CYP27C1: variants seen among roughly 807,000 people sequenced by gnomAD.
CYP27C1 encodes cytochrome P450 family 27 subfamily C member 1.
A neutral mutation model predicts 40.6 loss-of-function variants in CYP27C1; 29 were observed. The ratio of observed to expected loss-of-function variants is 0.71; its 90% CI spans 0.53 to 0.97. The LOEUF (loss-of-function observed/expected upper bound fraction) is 0.97, where lower values mean the gene tolerates loss of function less well. Ranked by LOEUF, CYP27C1 falls within the 50% of genes least tolerant of loss-of-function variation. The pLI is 0.00. For synonymous variants in CYP27C1, 198 were observed against 186.8 expected, an observed-to-expected ratio of 1.06 and a Z score of -0.49; for missense variants, 390 against 485.8, an observed-to-expected ratio of 0.80 and a Z score of 1.85.
rs772002440 is a variant in CYP27C1 at position 127,199,442 on chromosome 2, G to A, written c.981C>T (p.Ser327=). 10 of 1,613,872 alleles carry A rather than the reference G, an allele frequency of 6.2e-6. No homozygotes were observed. In the South Asian group the frequency reaches 8.8e-5, roughly 14 times the overall value. The change falls in exon 5 of 9, where the codon AGC becomes AGT. Residue 327 remains serine (S), a synonymous_variant. Transcript: ENST00000664447. ...SGGLLTYLFL[S]QALTLQEIYA... ...AGATCTCCTGCAGCGTCAGAGCCTGGCTAAGGAAGAGGTATGTGAGAAGTC... is the reference window on the plus strand; with the variant it reads ...AGATCTCCTGCAGCGTCAGAGCCTGACTAAGGAAGAGGTATGTGAGAAGTC...
chr2:127,195,339 G>C lies in CYP27C1; in HGVS notation c.1210C>G (p.Leu404Val), dbSNP rs1310849126. ...GGATTCTGGCGAGCCTTTTACCTCA[G>C]GGTTTCCTTAAGGAGAGCTCTGACC... ...PLVRALLKET[L>V]RLFPVLPGNG... The change falls in exon 6 of 9, where the codon CTG (leucine) becomes GTG (valine). Residue 404 changes from leucine (L) to valine (V), a missense_variant. Leu to Val is a conservative substitution (Grantham distance 32, BLOSUM62 1). Coordinates refer to ENST00000664447, the MANE Select transcript of CYP27C1 (RefSeq NM_001367502.1). The surrounding 1 kb of genome is among the most constrained non-coding windows in gnomAD (Gnocchi z 6.2). 2 of 1,614,100 alleles carry C rather than the reference G, an allele frequency of 1.2e-6. No individual in the cohort carries two copies. Among genetic ancestry groups the C allele is most frequent in the Non-Finnish European group, 1.7e-6 (2 of 1,180,000 alleles).
rs1558931272 is a variant in CYP27C1, at chr2:127,204,535, A to AAGAAAG, written c.474-965_474-964insCTTTCT. 4.7e-4 allele frequency among the ~76,000 whole-genome samples: 22 copies of AAGAAAG among 46,942 alleles called. 1 individual carries two copies. Among genetic ancestry groups the AAGAAAG allele is most frequent in the African/African-American group, 1.4e-3 (19 of 13,686 alleles). The allele number at this position is 46,942 out of a possible 152,430, so 30.8% of individuals were successfully genotyped here. A position where few individuals can be genotyped will look rare whatever the true frequency, so the allele number is the denominator to read the frequency against. On this transcript the variant is annotated intron_variant, in intron 2 of 8. Coordinates refer to ENST00000664447, the MANE Select transcript of CYP27C1 (RefSeq NM_001367502.1). ...AAAGAAGGAAAGAAAGAAAGAAAGA[A>AAGAAAG]AGAGAGAGAGAGAGAGAGAGAGAAA...
intron 2 of CYP27C1, among the ~76,000 whole-genome samples, chr2:127,204,496 G>GAAA (rs1683147786): frequency 3.2e-5 from 2 of 62,158 alleles, no homozygotes; most frequent in East Asian, 7.9e-4. Context: ...AAGGAAGGAA[G>GAAA]GAAGGAAGGA....
At chr2:127,213,811 C>A (rs760222150) in intron 1 of CYP27C1, among the ~76,000 whole-genome samples, 14 of 152,094 alleles carry the variant, frequency 9.2e-5, no homozygotes, top group Non-Finnish European at 1.5e-4. Flanking sequence ...CCAAAATTGA[C>A]AACTAGAATC....
At chr2:127,212,207 A>G (rs1326036401) in intron 1 of CYP27C1, among the ~76,000 whole-genome samples, 1 of 152,252 alleles carries the variant, frequency 6.6e-6, no homozygotes, top group African/African-American at 2.4e-5. Context: ...GCCCAGGACT[A>G]GATGGATTCA....
intron 4 of CYP27C1, among the ~76,000 whole-genome samples, chr2:127,199,962 T>A (rs1682994552): frequency 6.6e-6 from 1 of 152,208 alleles, no homozygotes; most frequent in Non-Finnish European, 1.5e-5. Context: ...AGGACTTCTA[T>A]ATTCAAATAA....
intron 1 of CYP27C1, among the ~76,000 whole-genome samples, chr2:127,216,626 G>A (rs144254081): frequency 1.1e-3 from 161 of 152,232 alleles, no homozygotes; most frequent in Middle Eastern, 6.8e-3. Flanking sequence ...AGTTGACTGC[G>A]GTGATGGTTG....
chr2:127,210,937 G>A (rs1042648010), intron 1 of CYP27C1, among the ~76,000 whole-genome samples: 1 of 152,148 alleles, frequency 6.6e-6, no homozygotes, highest in African/African-American at 2.4e-5. Context: ...ACACCCCACT[G>A]TCAATATTAG....
Position 127,209,823 on chromosome 2 carries a change from A to G in CYP27C1, c.283-3733T>C, listed in dbSNP as rs1347731762. ...TGCAGACAAGAATAGAGAAAAAAGA[A>G]TGAAAAGGAATAAACAAAGCCTCAA... On this transcript the variant is annotated intron_variant, in intron 1 of 8. Transcript: ENST00000664447. This position sits in a 1 kb window ranked among gnomAD's most constrained non-coding sequence, Gnocchi z 4.1. Among the ~76,000 whole-genome samples, 2 of 152,226 alleles carry G rather than the reference A, an allele frequency of 1.3e-5. No homozygotes were observed. The highest frequency in any genetic ancestry group is 2.9e-5 in the Non-Finnish European group (2 of 68,032).
At chr2:127,204,622 AAAG>A (rs199843531) in intron 2 of CYP27C1, among the ~76,000 whole-genome samples, 7,114 of 104,308 alleles carry the variant, frequency 0.068, 837 homozygotes, top group Admixed American at 0.1. Context: ...AGAAAGAAAG[AAAG>A]AAGACTGCAG....
intron 8 of CYP27C1, among the ~76,000 whole-genome samples, chr2:127,191,485 C>T (rs1222949914): frequency 6.6e-6 from 1 of 152,150 alleles, no homozygotes; most frequent in Non-Finnish European, 1.5e-5. Flanking sequence ...CGATGCCCTT[C>T]GGGAGGGTGC....
chr2:127,201,142 C>T lies in CYP27C1; in HGVS notation c.863G>A (p.Trp288Ter), dbSNP rs781226595. The change falls in exon 4 of 9, where the codon TGG becomes TAG. Residue 288 changes from tryptophan to a stop codon, truncating the protein, a stop_gained. Transcript: ENST00000664447. LOFTEE classifies it high-confidence loss of function. This position sits in a 1 kb window ranked among gnomAD's most constrained non-coding sequence, Gnocchi z 6.0. ...CTTACTGAATTTGAAGAGTCCATCC[C>T]AGGACCTGCAGAATTCCCGCCAGGG... ...PKPWREFCRS[W>*]DGLFKFSQIH... is the part of the protein sequence containing the mutation. The T allele has an allele frequency of 2.5e-5, 41 of 1,613,460 alleles. No homozygotes were observed. The Admixed American group carries it at 4.7e-4, about 18-fold the overall frequency.
intron 1 of CYP27C1, among the ~76,000 whole-genome samples, chr2:127,206,295 G>A (rs1344664501): frequency 9.6e-5 from 2 of 20,800 alleles, no homozygotes; most frequent in Non-Finnish European, 2.6e-4. Context: ...GTTTCCGTTT[G>A]TTTGTTTGTT....
At chr2:127,190,406 G>A (rs192537816) in intron 8 of CYP27C1, among the ~76,000 whole-genome samples, 1,667 of 132,670 alleles carry the variant, frequency 0.013, 36 homozygotes, top group African/African-American at 0.044. Context: ...GCAGTGGCAC[G>A]ATCTCAGCTC....
Position 127,220,194 on chromosome 2 carries a change from G to T in CYP27C1, c.77C>A (p.Ala26Asp), listed in dbSNP as rs1054159702. ...PERGGLLGGGAPRRPQPAGAR... is the reference protein window; with the variant it reads ...PERGGLLGGGDPRRPQPAGAR... ...GCCCGCGGGTTGAGGCCGCCGCGGG[G>T]CCCCGCCGCCCAGGAGCCCACCCCG... The change falls in exon 1 of 9, where the codon GCC becomes GAC. Residue 26 changes from alanine to aspartate, a missense_variant. Physicochemically the swap from Ala to Asp is moderately radical, Grantham distance 126. Transcript: ENST00000664447. This position sits in a 1 kb window ranked among gnomAD's most constrained non-coding sequence, Gnocchi z 4.6. 6.7e-6 allele frequency: 1 copy of T among 149,808 alleles called. No homozygotes were observed. The highest frequency in any genetic ancestry group is 2.4e-5 in the African/African-American group (1 of 41,142). 9.3% of individuals were successfully genotyped at this position (149,808 alleles called of 1,614,324 possible).
In CYP27C1 at chr2:127,208,280, G is replaced by A. The variant is rs1250577900; in HGVS notation, c.283-2190C>T. Among the ~76,000 whole-genome samples, 2 of 152,200 alleles carry A rather than the reference G, an allele frequency of 1.3e-5. No homozygotes were observed. The highest frequency in any genetic ancestry group is 4.8e-5 in the African/African-American group (2 of 41,454). On this transcript the variant is annotated intron_variant, in intron 1 of 8. Coordinates refer to ENST00000664447, the MANE Select transcript of CYP27C1 (RefSeq NM_001367502.1). The surrounding 1 kb of genome is among the most constrained non-coding windows in gnomAD (Gnocchi z 5.2). ...AGTGGCCCACCTGGAAGCCACACGG[G>A]GAAGGGAACCCACTCCCCCCAGCCA...
rs955663327 is a variant in CYP27C1 at position 127,183,954 on chromosome 2, G to A, written c.*3317C>T. On this transcript the variant is annotated 3_prime_UTR_variant, in exon 9 of 9. Transcript: ENST00000664447. The surrounding 1 kb of genome is among the most constrained non-coding windows in gnomAD (Gnocchi z 5.1). ...CAGTTAACAACATCTGCCTAATCTT[G>A]GGTCATCTCTTCCTCCCGCAGCCTC... Among the ~76,000 whole-genome samples the A allele has an allele frequency of 6.6e-6, 1 of 152,004 alleles. No individual in the cohort carries two copies. Among genetic ancestry groups the A allele is most frequent in the Non-Finnish European group, 1.5e-5 (1 of 68,010 alleles).
rs13406842 is a variant in CYP27C1, at chr2:127,198,628, T to C, written c.1047+748A>G. On this transcript the variant is annotated intron_variant, in intron 5 of 8. Transcript: ENST00000664447. The stretch of plus-strand genomic sequence containing the variant: ...ATACAATGGTGATCCCATAAGATTA[T>C]AAAGCCACATTTGTACTGTAGCTTG... 2.9e-3 allele frequency among the ~76,000 whole-genome samples: 436 copies of C among 152,326 alleles called. 4 individuals are homozygous for C. The highest frequency in any genetic ancestry group is 9.9e-3 in the African/African-American group (410 of 41,564).
rs1252048713 is a variant in CYP27C1 at position 127,209,291 on chromosome 2, A to G, written c.283-3201T>C. 6.6e-6 allele frequency among the ~76,000 whole-genome samples: 1 copy of G among 152,212 alleles called. No individual in the cohort carries two copies. Among genetic ancestry groups the G allele is most frequent in the East Asian group, 1.9e-4 (1 of 5,202 alleles). ...GGGATTGACTATTGAAAGAAAAACA[A>G]ACAGAAAGCGACAACAACAGCATTG... is the stretch of plus-strand genomic sequence containing the variant. On this transcript the variant is annotated intron_variant, in intron 1 of 8. Transcript: ENST00000664447. The surrounding 1 kb of genome is among the most constrained non-coding windows in gnomAD (Gnocchi z 4.1).
Sources: allele counts gnomAD v4.1 joint callset (sites outside exome capture counted in the v4.1 genomes callset), GRCh38; gene constraint gnomAD v4.1.1; non-coding constraint Gnocchi (gnomAD v3.1); transcripts MANE v1.5; gene names NCBI Gene and HGNC (gene_info 2026-07-23, HGNC 2026-07-21).